The following RNF13 variants were observed in gnomAD, a reference collection of about 807,000 sequenced individuals.
The protein encoded by RNF13 is E3 ubiquitin-protein ligase RNF13.
A neutral mutation model predicts 37.7 loss-of-function variants in RNF13; 19 were observed. The ratio of observed to expected loss-of-function variants is 0.50; its 90% CI spans 0.35 to 0.74. The LOEUF is 0.74. Ranked by LOEUF, RNF13 falls within the 30% of genes least tolerant of loss-of-function variation. The pLI is 0.01. For synonymous variants in RNF13, 144 were observed against 157.8 expected, an observed-to-expected ratio of 0.91 and a Z score of 0.65; for missense variants, 375 against 453.0, an observed-to-expected ratio of 0.83 and a Z score of 1.56.
chr3:149,927,365 C>T (rs1466181543), intron 8 of RNF13, among the ~76,000 whole-genome samples: 1 of 152,194 alleles, frequency 6.6e-6, no homozygotes, highest in Middle Eastern at 3.2e-3. Context: ...ATTTTTACCA[C>T]ATTTTGTTTA....
chr3:149,869,410 C>G (rs1711733704), intron 3 of RNF13, among the ~76,000 whole-genome samples: 2 of 151,412 alleles, frequency 1.3e-5, no homozygotes, highest in Non-Finnish European at 1.5e-5. Flanking sequence ...TCGAGACCAT[C>G]CCGGCTAAAA....
At chr3:149,919,612 A>G (rs1717917102) in intron 7 of RNF13, among the ~76,000 whole-genome samples, 1 of 152,152 alleles carries the variant, frequency 6.6e-6, no homozygotes, top group Non-Finnish European at 1.5e-5. Flanking sequence ...GATATATTCC[A>G]TTGTGTGAAT....
chr3:149,940,096 C>T (rs1372868967), intron 8 of RNF13, among the ~76,000 whole-genome samples: 2 of 152,076 alleles, frequency 1.3e-5, no homozygotes, highest in Non-Finnish European at 2.9e-5. Flanking sequence ...TTTTCTCTTT[C>T]AATCTTTTTT....
At chr3:149,849,750 A>G (rs538888282) in intron 2 of RNF13, among the ~76,000 whole-genome samples, 1 of 152,170 alleles carries the variant, frequency 6.6e-6, no homozygotes, top group Non-Finnish European at 1.5e-5. Context: ...TGTTGTTAGG[A>G]TTAAATAAAT....
rs554560308 is a variant in RNF13, at chr3:149,960,150, C to T, written c.781+14C>T. The T allele has an allele frequency of 2.9e-5, 44 of 1,508,262 alleles. No individual in the cohort carries two copies. Among genetic ancestry groups the T allele is most frequent in the South Asian group, 2.2e-4 (19 of 88,128 alleles). 93.4% of individuals were successfully genotyped at this position (1,508,262 alleles called of 1,614,324 possible). A position where few individuals can be genotyped will look rare whatever the true frequency, so the allele number is the denominator to read the frequency against. ...CCTGTTCCCATGGTATGAGTAATTA[C>T]GTACTGCTTTGAATTTACATATAGT... is the stretch of plus-strand genomic sequence containing the variant. On this transcript the variant is annotated intron_variant, in intron 9 of 9. Coordinates refer to ENST00000392894, the MANE Select transcript of RNF13 (RefSeq NM_183381.3).
intron 8 of RNF13, among the ~76,000 whole-genome samples, chr3:149,941,065 T>C (rs1720210224): frequency 6.6e-6 from 1 of 152,200 alleles, no homozygotes; most frequent in Non-Finnish European, 1.5e-5. Flanking sequence ...CTACATTTTA[T>C]GTATATACCA....
intron 6 of RNF13, among the ~76,000 whole-genome samples, chr3:149,909,308 T>G (rs1308144052): frequency 6.6e-6 from 1 of 150,518 alleles, no homozygotes; most frequent in Non-Finnish European, 1.5e-5. Context: ...AAAGCCTCAC[T>G]ATGTCACCCA....
chr3:149,877,055 C>T (rs1331659726), intron 4 of RNF13, among the ~76,000 whole-genome samples: 1 of 152,106 alleles, frequency 6.6e-6, no homozygotes, highest in Non-Finnish European at 1.5e-5. Context: ...GCAGGGATTA[C>T]AGGCGTGAGC....
intron 1 of RNF13, among the ~76,000 whole-genome samples, chr3:149,824,614 A>G (rs552619912): frequency 1.3e-5 from 2 of 151,680 alleles, no homozygotes; most frequent in African/African-American, 4.9e-5. Context: ...GAAAAAATAT[A>G]TGGTTTTTTT....
chr3:149,881,398 G>A (rs888327774), intron 4 of RNF13, among the ~76,000 whole-genome samples: 11 of 151,918 alleles, frequency 7.2e-5, no homozygotes, highest in Admixed American at 1.3e-4. Flanking sequence ...TGGCTTGCTC[G>A]CAGCTCACTG....
intron 3 of RNF13, among the ~76,000 whole-genome samples, chr3:149,853,455 GGAGAGAGAGAGAGAGAGAGA>G (rs397842025): frequency 3.4e-5 from 4 of 117,302 alleles, no homozygotes; most frequent in Admixed American, 9.0e-5. Flanking sequence ...AGAGAGAGAG[GGAGAGAGAGAGAGAGAGAGA>G]GAGAGAGAGA....
chr3:149,832,389 A>G (rs1269122147), intron 1 of RNF13, among the ~76,000 whole-genome samples: 5 of 152,236 alleles, frequency 3.3e-5, no homozygotes, highest in Non-Finnish European at 7.3e-5. Context: ...TCCTGAAAGT[A>G]ATACTGGTCT....
chr3:149,960,981 T>C lies in RNF13; in HGVS notation c.1023T>C (p.Tyr341=), dbSNP rs1374756793. 2.5e-6 allele frequency: 4 copies of C among 1,614,194 alleles called. No homozygotes were observed. Among genetic ancestry groups the C allele is most frequent in the South Asian group, 2.2e-5 (2 of 91,084 alleles). Residue 341 remains tyrosine (Y), a synonymous_variant, in exon 10 of 10, where the codon TAT becomes TAC. Coordinates refer to ENST00000392894, the MANE Select transcript of RNF13 (RefSeq NM_183381.3). The stretch of plus-strand genomic sequence containing the variant: ...AGAACATGACAGAATCTTCAGACTA[T>C]GAGGAAGACGACAATGAAGATACTG... The part of the protein sequence containing the change: ...SHQNMTESSD[Y]EEDDNEDTDS...
intron 3 of RNF13, among the ~76,000 whole-genome samples, chr3:149,860,577 A>G (rs971822476): frequency 6.6e-6 from 1 of 152,090 alleles, no homozygotes; most frequent in Non-Finnish European, 1.5e-5. Flanking sequence ...ATGCAGAAGA[A>G]TGAAACTGAA....
chr3:149,915,435 T>C (rs1717408222), intron 7 of RNF13, among the ~76,000 whole-genome samples: 1 of 152,202 alleles, frequency 6.6e-6, no homozygotes, highest in Non-Finnish European at 1.5e-5. Context: ...GAACAACCAC[T>C]AAAGAATACA....
chr3:149,895,408 A>G (rs992593083), intron 4 of RNF13, 65 bp from the exon 5 acceptor site: 28 of 960,300 alleles, frequency 2.9e-5, no homozygotes, highest in South Asian at 1.5e-4. Flanking sequence ...TTTATAATCA[A>G]TTGTAAAAGA....
chr3:149,856,920 T>C (rs1723712420), intron 3 of RNF13, among the ~76,000 whole-genome samples: 1 of 152,142 alleles, frequency 6.6e-6, no homozygotes, highest in African/African-American at 2.4e-5. Context: ...GCTAATTTTT[T>C]TGTATTTTTA....
At chr3:149,899,501 A>G (rs539509184) in intron 5 of RNF13, among the ~76,000 whole-genome samples, 3 of 152,328 alleles carry the variant, frequency 2.0e-5, no homozygotes, top group South Asian at 4.1e-4. Context: ...TAAGTTTTAA[A>G]CAGCTGTGTA....
chr3:149,870,774 C>T (rs1022674672), intron 3 of RNF13, among the ~76,000 whole-genome samples: 1 of 151,656 alleles, frequency 6.6e-6, no homozygotes, highest in African/African-American at 2.4e-5. Context: ...ACATTTTATA[C>T]CCAAGATATG....
Sources: gnomAD v4.1 joint callset for allele counts (sites outside exome capture counted in the v4.1 genomes callset) on GRCh38, gnomAD v4.1.1 for gene constraint, MANE v1.5 for transcripts, NCBI Gene and HGNC (gene_info 2026-07-23, HGNC 2026-07-21) for gene names.